The following FAM167A variants were observed in gnomAD, a reference collection of about 807,000 sequenced individuals.
FAM167A encodes the protein protein FAM167A.
Under a neutral mutation model 14.9 loss-of-function variants are expected in FAM167A, and 23 were observed. That is an observed-to-expected ratio of 1.55 (90% confidence interval 1.11 to 2.19). FAM167A has a LOEUF of 2.19. Ranked by LOEUF, FAM167A falls within the 30% of genes most tolerant of loss-of-function variation. The probability of loss-of-function intolerance (pLI) is 0.00; values close to 1 mark genes in which losing one functional copy is unlikely to be tolerated. For synonymous variants in FAM167A, 174 were observed against 117.7 expected (o/e 1.48, Z -3.10); for missense variants, 401 against 281.5 (o/e 1.42, Z -3.04).
chr8:11,461,375 G>A (rs925926822), intron 1 of FAM167A, among the ~76,000 whole-genome samples: 1 of 152,272 alleles, frequency 6.6e-6, no homozygotes, highest in Non-Finnish European at 1.5e-5. Flanking sequence ...TGCCCAGACG[G>A]GCTAAGGCAG....
chr8:11,470,664 G>A (rs1391123400), upstream of FAM167A, among the ~76,000 whole-genome samples: 1 of 152,162 alleles, frequency 6.6e-6, no homozygotes, highest in Non-Finnish European at 1.5e-5. Flanking sequence ...GGATTCTAGG[G>A]ATACAAGAGA....
chr8:11,437,526 C>T (rs1407087158), intron 2 of FAM167A, among the ~76,000 whole-genome samples: 1 of 152,206 alleles, frequency 6.6e-6, no homozygotes, highest in Non-Finnish European at 1.5e-5. Context: ...TAGAATCTGA[C>T]TTGAAGTTGA....
upstream of FAM167A, among the ~76,000 whole-genome samples, chr8:11,472,438 T>TG (rs34339592): frequency 3.9e-5 from 1 of 25,526 alleles, no homozygotes; most frequent in Non-Finnish European, 9.4e-5. Context: ...GTTTTTTGGG[T>TG]TTTTTTTTTT....
intron 2 of FAM167A, among the ~76,000 whole-genome samples, chr8:11,436,044 G>A (rs969547622): frequency 6.6e-5 from 10 of 152,276 alleles, no homozygotes; most frequent in Non-Finnish European, 1.2e-4. Flanking sequence ...GGCTCAGGGC[G>A]GGTCCCCAGC....
At chr8:11,447,618 C>T (rs1585263850) in intron 1 of FAM167A, among the ~76,000 whole-genome samples, 1 of 152,168 alleles carries the variant, frequency 6.6e-6, no homozygotes, top group Non-Finnish European at 1.5e-5. Context: ...AAGGAGAAAT[C>T]GAGGCTAGGG....
intron 1 of FAM167A, among the ~76,000 whole-genome samples, chr8:11,447,702 T>C (rs898447986): frequency 6.6e-6 from 1 of 152,228 alleles, no homozygotes; most frequent in Non-Finnish European, 1.5e-5. Context: ...TTTGACTCTG[T>C]CTCAGCCTCT....
At chr8:11,436,296 C>T in intron 2 of FAM167A, among the ~76,000 whole-genome samples, 1 of 152,230 alleles carries the variant, frequency 6.6e-6, no homozygotes, top group East Asian at 1.9e-4. Flanking sequence ...CCACTAGGGG[C>T]CAAGGCCTTC....
At chr8:11,431,965 T>C (rs985751798) in intron 2 of FAM167A, among the ~76,000 whole-genome samples, 1 of 146,290 alleles carries the variant, frequency 6.8e-6, no homozygotes, top group East Asian at 2.0e-4. Context: ...CCGGGGTGAC[T>C]CAACTCTCAG....
chr8:11,424,085 G>T lies in FAM167A; in HGVS notation c.*288C>A. 1 of 373,042 alleles carries T rather than the reference G, an allele frequency of 2.7e-6. No homozygotes were observed. Among genetic ancestry groups the T allele is most frequent in the Admixed American group, 4.0e-5 (1 of 24,990 alleles). The allele number at this position is 373,042 out of a possible 1,614,324, so 23.1% of individuals were successfully genotyped here. ...GGAAACAGGAACGTGACCGTGGAGG[G>T]ATGGATTATGGTGGGAACCCAGGTC... On this transcript the variant is annotated 3_prime_UTR_variant, in exon 3 of 3. Transcript: ENST00000284486.
At chr8:11,473,299 T>G (rs992096829) in intron 1 of FAM167A, among the ~76,000 whole-genome samples, 4 of 152,140 alleles carry the variant, frequency 2.6e-5, no homozygotes, top group Non-Finnish European at 4.4e-5. Flanking sequence ...GGGAAGCTTG[T>G]TGCATACAGG....
At chr8:11,453,397 G>C (rs1807102754) in intron 1 of FAM167A, among the ~76,000 whole-genome samples, 1 of 152,216 alleles carries the variant, frequency 6.6e-6, no homozygotes, top group Non-Finnish European at 1.5e-5. Context: ...CTCAATATGT[G>C]CCAGGCACTA....
At chr8:11,475,421 C>G (rs79438631) in intron 1 of FAM167A, among the ~76,000 whole-genome samples, 1 of 152,108 alleles carries the variant, frequency 6.6e-6, no homozygotes, top group African/African-American at 2.4e-5. Flanking sequence ...CCACCCCCAG[C>G]TGGGCCTTCT....
chr8:11,470,603 C>G (rs1421581251), upstream of FAM167A, among the ~76,000 whole-genome samples: 1 of 152,188 alleles, frequency 6.6e-6, no homozygotes, highest in Non-Finnish European at 1.5e-5. Context: ...CTCTCTAAAT[C>G]AGTCTCTCCT....
At chr8:11,451,414 C>T (rs888228781) in intron 1 of FAM167A, among the ~76,000 whole-genome samples, 6 of 152,216 alleles carry the variant, frequency 3.9e-5, no homozygotes, top group South Asian at 2.1e-4. Context: ...TTCTGACATT[C>T]GTAAGTGACT....
chr8:11,451,019 G>C (rs769321358), intron 1 of FAM167A, among the ~76,000 whole-genome samples: 4 of 152,268 alleles, frequency 2.6e-5, no homozygotes, highest in Non-Finnish European at 5.9e-5. Context: ...TTGGAGTCCA[G>C]TGCAGGATGA....
chr8:11,424,304 T>A lies in FAM167A; in HGVS notation c.*69A>T. 2 of 1,591,968 alleles carry A rather than the reference T, an allele frequency of 1.3e-6. No individual in the cohort carries two copies. Among genetic ancestry groups the A allele is most frequent in the Non-Finnish European group, 1.7e-6 (2 of 1,167,136 alleles). On this transcript the variant is annotated 3_prime_UTR_variant, in exon 3 of 3. Transcript: ENST00000284486. The stretch of plus-strand genomic sequence containing the variant: ...GGAGACCCACTGGAGTAACTTGGCC[T>A]CAGCTTCCTCTGACACCCCTCCAGC...
At chr8:11,457,259 C>T (rs1807372829) in intron 1 of FAM167A, among the ~76,000 whole-genome samples, 1 of 151,980 alleles carries the variant, frequency 6.6e-6, no homozygotes, top group Admixed American at 6.5e-5. Context: ...CAGGACAGCA[C>T]TAGCCTTCCC....
chr8:11,475,128 G>C (rs535046188), intron 1 of FAM167A, among the ~76,000 whole-genome samples: 5 of 152,266 alleles, frequency 3.3e-5, no homozygotes, highest in African/African-American at 1.2e-4. Flanking sequence ...TTGCAGGAAG[G>C]GCCAGACCAG....
rs1330382192 is a variant in FAM167A at position 11,421,629 on chromosome 8, C to T, written c.*2744G>A. 4 of 398,432 alleles carry T rather than the reference C, an allele frequency of 1.0e-5. No homozygotes were observed. Among genetic ancestry groups the T allele is most frequent in the Non-Finnish European group, 1.8e-5 (4 of 226,054 alleles). The allele number at this position is 398,432 out of a possible 1,614,324, so 24.7% of individuals were successfully genotyped here. On this transcript the variant is annotated 3_prime_UTR_variant, in exon 3 of 3. Transcript: ENST00000284486. ...ATTGCTACAGGGTGTGGGTCTTGAA[C>T]TCGGTCAGGCATCGTCAAGCCTGCC...
Sources: gnomAD v4.1 joint callset for allele counts (sites outside exome capture counted in the v4.1 genomes callset) on GRCh38, gnomAD v4.1.1 for gene constraint, MANE v1.5 for transcripts, NCBI Gene and HGNC (gene_info 2026-07-23, HGNC 2026-07-21) for gene names.